Variants in PIGG observed in about 807,000 individuals in gnomAD.
PIGG encodes GPI ethanolamine phosphate transferase 2, catalytic subunit.
A neutral mutation model predicts 83.2 loss-of-function variants in PIGG; 70 were observed. That is an observed-to-expected ratio of 0.84 (90% CI 0.69 to 1.03). The LOEUF (loss-of-function observed/expected upper bound fraction) is 1.03. PIGG is among the 50% of genes least tolerant of loss of function. PIGG has a pLI of 0.00. For synonymous variants in PIGG, 532 were observed against 519.5 expected, an observed-to-expected ratio of 1.02 and a Z score of -0.33; for missense variants, 1,257 against 1,233.6, an observed-to-expected ratio of 1.02 and a Z score of -0.28.
chr4:512,854 T>C (rs531692835), intron 5 of PIGG, among the ~76,000 whole-genome samples: 1 of 152,226 alleles, frequency 6.6e-6, no homozygotes, highest in Non-Finnish European at 1.5e-5. Flanking sequence ...ATCTCTTTAT[T>C]GATATTCTCT....
chr4:538,541 A>T (rs1057322976), intron 12 of PIGG, among the ~76,000 whole-genome samples: 10 of 152,350 alleles, frequency 6.6e-5, no homozygotes, highest in African/African-American at 2.4e-4. Flanking sequence ...ACATGCATAT[A>T]TAATTTTTAA....
rs757141700 is a variant in PIGG, at chr4:516,101, A to C, written c.1030A>C (p.Met344Leu). ...LLFPVVEGRP[M>L]REQLRFLHLN... Reference sequence around the variant, plus strand: ...ATTCCCAGTTGTGGAAGGAAGACCAATGAGAGAGCAGTTGAGATTTTTACA... The same window carrying C: ...ATTCCCAGTTGTGGAAGGAAGACCACTGAGAGAGCAGTTGAGATTTTTACA... The change falls in exon 6 of 13, where the codon ATG (methionine) becomes CTG (leucine). Residue 344 changes from methionine (M) to leucine (L), a missense_variant. Physicochemically the swap from Met to Leu is conservative, Grantham distance 15. Coordinates refer to ENST00000453061, the MANE Select transcript of PIGG (RefSeq NM_001127178.3). 2.2e-5 allele frequency: 36 copies of C among 1,613,838 alleles called. No homozygotes were observed. In the South Asian group the frequency reaches 3.8e-4, roughly 17 times the overall value.
rs112114859 is a variant in PIGG, at chr4:515,658, C to T, written c.902-315C>T. On this transcript the variant is annotated intron_variant, in intron 5 of 12. Transcript: ENST00000453061. The surrounding 1 kb of genome is among the most constrained non-coding windows in gnomAD (Gnocchi z 4.2). Reference sequence around the variant, plus strand: ...GACCTTGCCAAAGTGACAGTCCCTCCGTGTCTGCGGGACCACCTGCTTCCT... The same window carrying T: ...GACCTTGCCAAAGTGACAGTCCCTCTGTGTCTGCGGGACCACCTGCTTCCT... Among the ~76,000 whole-genome samples, 1,243 of 152,330 alleles carry T rather than the reference C, an allele frequency of 8.2e-3. 22 individuals carry two copies. The highest frequency in any genetic ancestry group is 0.028 in the African/African-American group (1,159 of 41,570).
intron 3 of PIGG, among the ~76,000 whole-genome samples, chr4:507,113 T>C (rs183079297): frequency 6.6e-6 from 1 of 152,350 alleles, no homozygotes; most frequent in Admixed American, 6.5e-5. Context: ...AATGTTCATT[T>C]ATTTATTATA....
intron 5 of PIGG, among the ~76,000 whole-genome samples, chr4:511,654 T>C (rs1722002260): frequency 6.6e-6 from 1 of 152,266 alleles, no homozygotes; most frequent in Non-Finnish European, 1.5e-5. Context: ...GAAAATGCTT[T>C]TATAGTGTCT....
At chr4:514,001 A>G (rs1723057211) in intron 5 of PIGG, among the ~76,000 whole-genome samples, 1 of 152,212 alleles carries the variant, frequency 6.6e-6, no homozygotes, top group Admixed American at 6.5e-5. Context: ...GAAAAAGGTA[A>G]TGCAGACTCT....
intron 6 of PIGG, among the ~76,000 whole-genome samples, chr4:518,460 G>C (rs927471030): frequency 1.3e-5 from 2 of 152,156 alleles, no homozygotes; most frequent in Non-Finnish European, 2.9e-5. Flanking sequence ...GGGCATGGTG[G>C]CAGGCGCCTG....
intron 2 of PIGG, 43 bp from the exon 3 acceptor site, chr4:505,675 G>A (rs372131270): frequency 2.5e-5 from 36 of 1,443,752 alleles, no homozygotes; most frequent in African/African-American, 4.2e-5. Flanking sequence ...TCATGCTCCG[G>A]TTTTGGATTC....
intron 10 of PIGG, chr4:527,545 G>A: frequency 9.2e-7 from 1 of 1,084,828 alleles, no homozygotes; most frequent in Non-Finnish European, 1.1e-6. Context: ...ACAGACAGAT[G>A]AGCGTGAATC....
intron 2 of PIGG, among the ~76,000 whole-genome samples, chr4:503,845 T>TACACACACACACACAC (rs56841358): frequency 2.1e-5 from 3 of 145,606 alleles, no homozygotes; most frequent in African/African-American, 5.1e-5. Flanking sequence ...TGTGATTTTA[T>TACACACACACACACAC]ACACACACAC....
At chr4:509,789 T>A (rs1721258476) in intron 5 of PIGG, among the ~76,000 whole-genome samples, 1 of 152,228 alleles carries the variant, frequency 6.6e-6, no homozygotes, top group African/African-American at 2.4e-5. Context: ...GGAGATACGG[T>A]CTCATCTGCC....
At position 521,235 on chromosome 4, in the gene PIGG, A is replaced by G. The variant is rs998743692; in HGVS notation, c.1294A>G (p.Ile432Val). 3.1e-6 allele frequency: 5 copies of G among 1,613,968 alleles called. No homozygotes were observed. The highest frequency in any genetic ancestry group is 4.2e-6 in the Non-Finnish European group (5 of 1,179,936). Residue 432 changes from isoleucine (I) to valine (V), a missense_variant, in exon 7 of 13, where the codon ATC (isoleucine) becomes GTC (valine). Coordinates refer to ENST00000453061, the MANE Select transcript of PIGG (RefSeq NM_001127178.3). Reference sequence around the variant, plus strand: ...GAGTGCACAAGTGGCCCAGTACGACATCTATTCGATGATGGTGGGGACTGT... The same window carrying G: ...GAGTGCACAAGTGGCCCAGTACGACGTCTATTCGATGATGGTGGGGACTGT... Reference protein sequence around the residue: ...SLSAQVAQYDIYSMMVGTVVV... With the variant: ...SLSAQVAQYDVYSMMVGTVVV...
At chr4:512,803 G>A (rs1722619383) in intron 5 of PIGG, among the ~76,000 whole-genome samples, 1 of 151,980 alleles carries the variant, frequency 6.6e-6, no homozygotes, top group Admixed American at 6.5e-5. Context: ...GACGGAGTGA[G>A]ACTCCATCTA....
Position 502,623 on chromosome 4 carries a change from A to G in PIGG, c.360+2022A>G, listed in dbSNP as rs1718155193. ...CTTTCTGGTCATAATAATAGCTGGCATTGATTGACAGACCTGAGCTTTCCC... is the reference window on the plus strand; with the variant it reads ...CTTTCTGGTCATAATAATAGCTGGCGTTGATTGACAGACCTGAGCTTTCCC... On this transcript the variant is annotated intron_variant, in intron 2 of 12. Coordinates refer to ENST00000453061, the MANE Select transcript of PIGG (RefSeq NM_001127178.3). 2.0e-5 allele frequency among the ~76,000 whole-genome samples: 3 copies of G among 152,156 alleles called. No individual in the cohort carries two copies. The East Asian group carries it at 5.8e-4, about 29-fold the overall frequency.
chr4:533,537 G>A lies in PIGG; in HGVS notation c.2572-281G>A, dbSNP rs146838465. ...AGTCAGCCAGCCGGTCTGTGTGTGC[G>A]TCCCTCTTCAGAGGGGGCCCCAGCT... On this transcript the variant is annotated intron_variant, in intron 11 of 12. Transcript: ENST00000453061. 2.5e-3 allele frequency: 1,150 copies of A among 463,810 alleles called. 6 individuals carry two copies. Among genetic ancestry groups the A allele is most frequent in the African/African-American group, 0.021 (1,071 of 51,136 alleles). 28.7% of individuals were successfully genotyped at this position (463,810 alleles called of 1,614,324 possible).
At chr4:532,426 C>G (rs1250491441) in intron 11 of PIGG, 1 of 152,450 alleles carries the variant, frequency 6.6e-6, no homozygotes, top group African/African-American at 2.4e-5. Flanking sequence ...CCAGGGTCTC[C>G]TACTGCTTCT....
rs913673580 is a variant in PIGG at position 523,597 on chromosome 4, C to T, written c.1753C>T (p.Leu585=). ...HQTWYFLVNT[L]CLALSQETYR... ...GACCTGGTACTTCCTTGTGAACACC[C>T]TGTGTCTAGCTCTGAGCCAAGAAAC... The change falls in exon 9 of 13, where the codon CTG becomes TTG. Residue 585 remains leucine, a synonymous_variant. Coordinates refer to ENST00000453061, the MANE Select transcript of PIGG (RefSeq NM_001127178.3). 2.5e-6 allele frequency: 4 copies of T among 1,614,030 alleles called. No individual in the cohort carries two copies. Among genetic ancestry groups the T allele is most frequent in the African/African-American group, 2.7e-5 (2 of 74,914 alleles).
Position 521,873 on chromosome 4 carries a change from T to A in PIGG, c.1546T>A (p.Ser516Thr), listed in dbSNP as rs537740584. 2.5e-6 allele frequency: 4 copies of A among 1,614,212 alleles called. No homozygotes were observed. The South Asian group carries it at 4.4e-5, about 18-fold the overall frequency. Reference sequence around the variant, plus strand: ...GGCAGGTGGGGTGATGGTGCTGGCCTCGGCGCTGCTGTGTGTGATTGTGTC... The same window carrying A: ...GGCAGGTGGGGTGATGGTGCTGGCCACGGCGCTGCTGTGTGTGATTGTGTC... ...LAAGGVMVLA[S>T]ALLCVIVSVL... Residue 516 changes from serine to threonine, a missense_variant, in exon 8 of 13, where the codon TCG becomes ACG. By Grantham distance (58) the Ser-to-Thr change is moderately conservative. Coordinates refer to ENST00000453061, the MANE Select transcript of PIGG (RefSeq NM_001127178.3).
intron 9 of PIGG, 41 bp downstream of exon 9, chr4:523,954 G>A (rs973119203): frequency 2.5e-5 from 32 of 1,279,152 alleles, no homozygotes; most frequent in East Asian, 5.1e-5. Context: ...GACTTTCTAC[G>A]GCCGATTGGT....
Sources: allele counts gnomAD v4.1 joint callset (sites outside exome capture counted in the v4.1 genomes callset), GRCh38; gene constraint gnomAD v4.1.1; non-coding constraint Gnocchi (gnomAD v3.1); transcripts MANE v1.5; gene names NCBI Gene and HGNC (gene_info 2026-07-23, HGNC 2026-07-21).